DIAPH3: variants seen among roughly 807,000 people sequenced by gnomAD.
The protein encoded by DIAPH3 is protein diaphanous homolog 3.
In DIAPH3, 117 loss-of-function variants were observed where a neutral mutation model predicts 144.3. That is an observed-to-expected ratio of 0.81 (90% CI 0.70 to 0.95). The LOEUF (loss-of-function observed/expected upper bound fraction) is 0.95. Among genes scored for constraint, DIAPH3 ranks in the 40% least tolerant of loss-of-function variants. The pLI is 0.00. For missense variants in DIAPH3, 1,421 were observed against 1,412.7 expected (o/e 1.01, Z -0.09); for synonymous variants, 519 against 488.9 (o/e 1.06, Z -0.81).
At chr13:60,010,278 T>TA (rs1249478150) in intron 8 of DIAPH3, among the ~76,000 whole-genome samples, 2 of 152,196 alleles carry the variant, frequency 1.3e-5, no homozygotes, top group African/African-American at 2.4e-5. Context: ...GGGTTTCAGT[T>TA]AAAAAAACAG....
Position 60,093,616 on chromosome 13 carries a change from A to G in DIAPH3, c.495+12T>C. 1.9e-6 allele frequency: 3 copies of G among 1,541,622 alleles called. No individual in the cohort carries two copies. The highest frequency in any genetic ancestry group is 2.3e-5 in the East Asian group (1 of 44,432). ...GTTCGGCAGTATTTTTCAACTTGAC[A>G]GTTTTACTTACTGTCTTAGAAGCAG... On this transcript the variant is annotated intron_variant, in intron 4 of 27. Coordinates refer to ENST00000400324, the MANE Select transcript of DIAPH3 (RefSeq NM_001042517.2).
chr13:60,130,749 G>C (rs1198944945), intron 2 of DIAPH3, among the ~76,000 whole-genome samples: 1 of 152,236 alleles, frequency 6.6e-6, no homozygotes, highest in Non-Finnish European at 1.5e-5. Context: ...AAACCATTGA[G>C]AAAGGCAGAT....
intron 17 of DIAPH3, among the ~76,000 whole-genome samples, chr13:59,933,393 A>T (rs2048113729): frequency 6.6e-6 from 1 of 152,244 alleles, no homozygotes; most frequent in Non-Finnish European, 1.5e-5. Context: ...GGTGACAAAG[A>T]AGAGTACGAT....
intron 17 of DIAPH3, among the ~76,000 whole-genome samples, chr13:59,957,575 A>C (rs950250870): frequency 4.6e-5 from 7 of 152,204 alleles, no homozygotes; most frequent in Non-Finnish European, 7.3e-5. Flanking sequence ...AGACAATTAT[A>C]GTTACCATGC....
At chr13:59,885,667 T>C (rs1341265194) in intron 20 of DIAPH3, among the ~76,000 whole-genome samples, 1 of 152,032 alleles carries the variant, frequency 6.6e-6, no homozygotes, top group Non-Finnish European at 1.5e-5. Flanking sequence ...AATCCTAACC[T>C]CTGCTACCTT....
At chr13:60,061,691 G>C (rs2056781401) in intron 4 of DIAPH3, among the ~76,000 whole-genome samples, 1 of 151,656 alleles carries the variant, frequency 6.6e-6, no homozygotes, top group African/African-American at 2.4e-5. Flanking sequence ...AAAATACAGG[G>C]AGAATTGTTT....
intron 24 of DIAPH3, among the ~76,000 whole-genome samples, chr13:59,825,558 G>C (rs2041356823): frequency 6.6e-6 from 1 of 152,104 alleles, no homozygotes; most frequent in Admixed American, 6.6e-5. Flanking sequence ...CCCAGTAATG[G>C]GATGGCTGGG....
intron 24 of DIAPH3, among the ~76,000 whole-genome samples, chr13:59,831,694 C>T (rs535455715): frequency 1.1e-4 from 17 of 151,800 alleles, no homozygotes; most frequent in African/African-American, 3.9e-4. Flanking sequence ...ATAGGTTGGC[C>T]CAAGGCCCCA....
chr13:59,907,477 T>C (rs2046796878), intron 20 of DIAPH3, among the ~76,000 whole-genome samples: 1 of 152,116 alleles, frequency 6.6e-6, no homozygotes, highest in Non-Finnish European at 1.5e-5. Context: ...CAAAATCTCC[T>C]AGAAAACACA....
intron 22 of DIAPH3, among the ~76,000 whole-genome samples, chr13:59,840,464 GT>G (rs1042826390): frequency 7.5e-5 from 11 of 147,436 alleles, no homozygotes; most frequent in African/African-American, 2.2e-4. Context: ...AAACTGAGTT[GT>G]TTTTTTTTTA....
chr13:60,103,206 G>T (rs886421224), intron 3 of DIAPH3, among the ~76,000 whole-genome samples: 1 of 151,908 alleles, frequency 6.6e-6, no homozygotes, highest in African/African-American at 2.4e-5. Flanking sequence ...CATGCAACTC[G>T]TTGGAGCACT....
chr13:60,078,374 T>C (rs2057445463), intron 4 of DIAPH3, among the ~76,000 whole-genome samples: 2 of 151,532 alleles, frequency 1.3e-5, no homozygotes, highest in Non-Finnish European at 3.0e-5. Context: ...GCGGAACTAG[T>C]ACAGGCAAGG....
intron 12 of DIAPH3, among the ~76,000 whole-genome samples, chr13:59,990,393 C>A (rs900194591): frequency 6.6e-6 from 1 of 151,540 alleles, no homozygotes; most frequent in Non-Finnish European, 1.5e-5. Context: ...AAAAAAACAC[C>A]CAAAGTATAA....
intron 27 of DIAPH3, among the ~76,000 whole-genome samples, chr13:59,703,023 T>G (rs1324454353): frequency 6.6e-6 from 1 of 152,162 alleles, no homozygotes; most frequent in Non-Finnish European, 1.5e-5. Flanking sequence ...GCACTCTCTA[T>G]CCCTTTTCCT....
At chr13:59,957,076 C>T (rs540831493) in intron 17 of DIAPH3, among the ~76,000 whole-genome samples, 3 of 152,184 alleles carry the variant, frequency 2.0e-5, no homozygotes, top group East Asian at 3.9e-4. Flanking sequence ...AGGAACTTGC[C>T]TTGTCTCAGA....
intron 4 of DIAPH3, among the ~76,000 whole-genome samples, chr13:60,047,127 T>A (rs1331765928): frequency 6.6e-6 from 1 of 151,874 alleles, no homozygotes; most frequent in African/African-American, 2.4e-5. Context: ...AGTATTATTT[T>A]AAAAAAAGAA....
At chr13:60,128,920 G>C (rs942662423) in intron 2 of DIAPH3, among the ~76,000 whole-genome samples, 6 of 152,146 alleles carry the variant, frequency 3.9e-5, no homozygotes, top group African/African-American at 1.2e-4. Context: ...GAGTTTAGGA[G>C]TTTATGCATG....
At chr13:59,878,625 G>A (rs2044785730) in intron 21 of DIAPH3, among the ~76,000 whole-genome samples, 1 of 152,010 alleles carries the variant, frequency 6.6e-6, no homozygotes. Flanking sequence ...TATATTTGCT[G>A]TAAGGAAATT....
intron 12 of DIAPH3, among the ~76,000 whole-genome samples, chr13:59,990,495 T>C (rs1004773275): frequency 3.3e-5 from 5 of 151,904 alleles, no homozygotes; most frequent in South Asian, 2.1e-4. Flanking sequence ...GTAATAGAAA[T>C]GGAAAGTAGA....
Sources: allele counts gnomAD v4.1 joint callset (sites outside exome capture counted in the v4.1 genomes callset), GRCh38; gene constraint gnomAD v4.1.1; transcripts MANE v1.5; gene names NCBI Gene and HGNC (gene_info 2026-07-23, HGNC 2026-07-21).